Variants in SLC44A5 observed in about 807,000 individuals in gnomAD.
SLC44A5 encodes the protein solute carrier family 44 member 5.
SLC44A5 carries 57 observed loss-of-function variants against 101.8 expected under a neutral mutation model. The observed-to-expected ratio is 0.56, with a 90% CI of 0.45 to 0.70. The LOEUF (loss-of-function observed/expected upper bound fraction) is 0.70. Ranked by LOEUF, SLC44A5 falls within the 30% of genes least tolerant of loss-of-function variation. SLC44A5 has a pLI of 0.00. For missense variants in SLC44A5, 737 were observed against 853.1 expected (o/e 0.86, Z 1.70); for synonymous variants, 281 against 290.9 (o/e 0.97, Z 0.35).
At chr1:75,416,558 G>A (rs1021774105) in intron 2 of SLC44A5, among the ~76,000 whole-genome samples, 1 of 152,134 alleles carries the variant, frequency 6.6e-6, no homozygotes, top group Non-Finnish European at 1.5e-5. Context: ...TGAGAAGTGG[G>A]CCACCATCCT....
intron 1 of SLC44A5, among the ~76,000 whole-genome samples, chr1:75,551,932 A>C (rs1011642999): frequency 2.0e-5 from 3 of 152,100 alleles, no homozygotes; most frequent in African/African-American, 7.2e-5. Flanking sequence ...ATGATCCTAC[A>C]CTTTTTGTGC....
chr1:75,490,374 T>C (rs2101807842), intron 2 of SLC44A5, among the ~76,000 whole-genome samples: 1 of 152,308 alleles, frequency 6.6e-6, no homozygotes, highest in Admixed American at 6.5e-5. Context: ...CTTTGTGAAT[T>C]AAGTGATTTT....
At chr1:75,424,178 A>G (rs1013878988) in intron 2 of SLC44A5, among the ~76,000 whole-genome samples, 2 of 152,252 alleles carry the variant, frequency 1.3e-5, no homozygotes, top group African/African-American at 4.8e-5. Context: ...GTAACCATAT[A>G]GAACCGATGA....
chr1:75,462,146 C>T (rs1406364675), intron 2 of SLC44A5, among the ~76,000 whole-genome samples: 3 of 152,180 alleles, frequency 2.0e-5, no homozygotes, highest in East Asian at 1.9e-4. Flanking sequence ...CCAAAGGGTG[C>T]TTATGTCACT....
At chr1:75,541,589 G>T in intron 1 of SLC44A5, 73 bp from the exon 2 acceptor site, 1 of 939,260 alleles carries the variant, frequency 1.1e-6, no homozygotes, top group South Asian at 1.9e-5. Context: ...TAACCTTTTG[G>T]GAATGCTCTC....
chr1:75,287,820 G>T (rs1381168829), intron 5 of SLC44A5, among the ~76,000 whole-genome samples: 1 of 152,154 alleles, frequency 6.6e-6, no homozygotes, highest in African/African-American at 2.4e-5. Flanking sequence ...TGTCTCAGCC[G>T]TGAATACCAG....
chr1:75,680,481 G>A, the SLC44A5 span, among the ~76,000 whole-genome samples: 4 of 151,506 alleles, frequency 2.6e-5, no homozygotes, highest in African/African-American at 9.7e-5. Context: ...TCAACTACAT[G>A]GAAACTGAAC....
At chr1:75,526,908 C>A (rs1365089663) in intron 2 of SLC44A5, among the ~76,000 whole-genome samples, 1 of 151,882 alleles carries the variant, frequency 6.6e-6, no homozygotes, top group African/African-American at 2.4e-5. Flanking sequence ...CTGAGGTGGG[C>A]GGATCACCTG....
At chr1:75,625,612 C>T in the SLC44A5 span, among the ~76,000 whole-genome samples, 1 of 152,148 alleles carries the variant, frequency 6.6e-6, no homozygotes, top group African/African-American at 2.4e-5. Flanking sequence ...CTTTTGACAA[C>T]TCCCATAATA....
intron 2 of SLC44A5, among the ~76,000 whole-genome samples, chr1:75,416,343 TG>T (rs1663646600): frequency 6.6e-6 from 1 of 152,176 alleles, no homozygotes; most frequent in South Asian, 2.1e-4. Context: ...GTGTTGAGCC[TG>T]CCAGTGCACA....
At chr1:75,416,677 G>A (rs1557763387) in intron 2 of SLC44A5, among the ~76,000 whole-genome samples, 2 of 152,198 alleles carry the variant, frequency 1.3e-5, no homozygotes, top group African/African-American at 2.4e-5. Flanking sequence ...GCTGTACCCT[G>A]AAAAGCCACA....
intron 2 of SLC44A5, among the ~76,000 whole-genome samples, chr1:75,446,410 T>A (rs1395244512): frequency 6.6e-6 from 1 of 152,150 alleles, no homozygotes; most frequent in Non-Finnish European, 1.5e-5. Flanking sequence ...ACCCCAGAAA[T>A]GTTGAGATTA....
Position 75,515,881 on chromosome 1 carries a change from G to GT in SLC44A5, c.13+25553dup, listed in dbSNP as rs758550743. ...TACATTCCCATCACAGTGTACAAGGGTTTTTTTTTTTCCCCATCCTTGCCA... is the reference window on the plus strand; with the variant it reads ...TACATTCCCATCACAGTGTACAAGGGTTTTTTTTTTTTCCCCATCCTTGCCA... On this transcript the variant is annotated intron_variant, in intron 2 of 23. Transcript: ENST00000370859. Among the ~76,000 whole-genome samples, 286 of 145,930 alleles carry GT rather than the reference G, an allele frequency of 2.0e-3. 3 individuals are homozygous for GT. The Middle Eastern group carries it at 0.021, about 11-fold the overall frequency.
At chr1:75,287,447 T>TC (rs1463710609) in intron 5 of SLC44A5, among the ~76,000 whole-genome samples, 1 of 144,798 alleles carries the variant, frequency 6.9e-6, no homozygotes, top group Non-Finnish European at 1.5e-5. Flanking sequence ...TTTTTTTTTT[T>TC]TTGGCAATTC....
intron 2 of SLC44A5, among the ~76,000 whole-genome samples, chr1:75,447,130 T>G (rs940531953): frequency 6.6e-6 from 1 of 152,158 alleles, no homozygotes; most frequent in South Asian, 2.1e-4. Flanking sequence ...TAATCAATGA[T>G]TCCACCACTT....
intron 2 of SLC44A5, among the ~76,000 whole-genome samples, chr1:75,538,954 G>T (rs1378214977): frequency 6.6e-6 from 1 of 152,094 alleles, no homozygotes; most frequent in East Asian, 1.9e-4. Flanking sequence ...AGGTATCCAA[G>T]ACATTTGCTT....
At chr1:75,600,754 G>A (rs1337005311) in intron 1 of SLC44A5, among the ~76,000 whole-genome samples, 1 of 152,082 alleles carries the variant, frequency 6.6e-6, no homozygotes, top group Non-Finnish European at 1.5e-5. Context: ...ATACAGTGGT[G>A]TTCTGTGCAG....
At chr1:75,510,510 T>G (rs936007269) in intron 2 of SLC44A5, among the ~76,000 whole-genome samples, 1 of 152,164 alleles carries the variant, frequency 6.6e-6, no homozygotes, top group Non-Finnish European at 1.5e-5. Context: ...ATTCAGGTCA[T>G]GTACTATAGG....
intron 1 of SLC44A5, among the ~76,000 whole-genome samples, chr1:75,588,932 C>G (rs1674180938): frequency 6.6e-6 from 1 of 152,028 alleles, no homozygotes; most frequent in South Asian, 2.1e-4. Flanking sequence ...ACAAGTGAAA[C>G]CTCAGGGAGT....
Sources: gnomAD v4.1 joint callset for allele counts (sites outside exome capture counted in the v4.1 genomes callset) on GRCh38, gnomAD v4.1.1 for gene constraint, MANE v1.5 for transcripts, NCBI Gene and HGNC (gene_info 2026-07-23, HGNC 2026-07-21) for gene names.